Variants in DTNA observed in about 807,000 individuals in gnomAD.
DTNA encodes the protein dystrobrevin alpha.
DTNA carries 43 observed loss-of-function variants against 100.7 expected under a neutral mutation model. The ratio of observed to expected loss-of-function variants is 0.43; its 90% CI spans 0.33 to 0.55. The LOEUF is 0.55. Among genes scored for constraint, DTNA ranks in the 20% least tolerant of loss-of-function variants. The pLI is 0.04. For synonymous variants in DTNA, 349 were observed against 347.9 expected (o/e 1.00, Z -0.04); for missense variants, 798 against 953.9 (o/e 0.84, Z 2.15).
chr18:34,527,976 C>T (rs2042787056), intron 1 of DTNA, among the ~76,000 whole-genome samples: 1 of 152,078 alleles, frequency 6.6e-6, no homozygotes, highest in East Asian at 1.9e-4. Context: ...AGGACTGCAA[C>T]ATCAGTTGTT....
At chr18:34,622,916 G>A (rs1346149643) in intron 1 of DTNA, among the ~76,000 whole-genome samples, 2 of 151,990 alleles carry the variant, frequency 1.3e-5, no homozygotes, top group Admixed American at 6.6e-5. Context: ...TAATAATGCC[G>A]GTTTGTTTAA....
chr18:34,838,263 T>G, intron 12 of DTNA, 92 bp downstream of exon 12: 1 of 1,381,504 alleles, frequency 7.2e-7, no homozygotes, highest in East Asian at 2.4e-5. Context: ...TGTGAAAGAC[T>G]GTCTTTGATT....
intron 1 of DTNA, among the ~76,000 whole-genome samples, chr18:34,542,710 A>G (rs1321274273): frequency 6.6e-6 from 1 of 151,958 alleles, no homozygotes; most frequent in Non-Finnish European, 1.5e-5. Context: ...AAGAGTGGAG[A>G]TGTCACTTGG....
intron 1 of DTNA, among the ~76,000 whole-genome samples, chr18:34,499,029 A>G (rs1568540571): frequency 6.6e-6 from 1 of 152,180 alleles, no homozygotes; most frequent in Non-Finnish European, 1.5e-5. Context: ...ATGATAGTAC[A>G]ATATCACAAC....
At chr18:34,799,979 A>T (rs900036518) in intron 4 of DTNA, among the ~76,000 whole-genome samples, 4 of 152,214 alleles carry the variant, frequency 2.6e-5, no homozygotes, top group African/African-American at 9.7e-5. Flanking sequence ...AGCCAGATCC[A>T]AATAAAGGGT....
At chr18:34,816,915 A>C (rs1377153352) in intron 7 of DTNA, among the ~76,000 whole-genome samples, 4 of 152,220 alleles carry the variant, frequency 2.6e-5, no homozygotes, top group Non-Finnish European at 5.9e-5. Flanking sequence ...GAAAATTTAA[A>C]GAATGAATTT....
At chr18:34,851,301 C>T (rs993135389) in intron 14 of DTNA, among the ~76,000 whole-genome samples, 1 of 152,240 alleles carries the variant, frequency 6.6e-6, no homozygotes, top group African/African-American at 2.4e-5. Flanking sequence ...GGGATTTCCC[C>T]ATGTTGGCCA....
chr18:34,564,577 G>A (rs1028884665), intron 1 of DTNA, among the ~76,000 whole-genome samples: 2 of 152,282 alleles, frequency 1.3e-5, no homozygotes, highest in Admixed American at 6.5e-5. Context: ...GAGAAATAAA[G>A]CATTTGTGTA....
At chr18:34,717,847 A>G (rs2084365914) in intron 1 of DTNA, among the ~76,000 whole-genome samples, 1 of 152,210 alleles carries the variant, frequency 6.6e-6, no homozygotes, top group Admixed American at 6.5e-5. Context: ...GAGAGATGAG[A>G]ATCAGAAATG....
chr18:34,734,210 A>G (rs2089010661), intron 1 of DTNA, among the ~76,000 whole-genome samples: 1 of 152,122 alleles, frequency 6.6e-6, no homozygotes, highest in East Asian at 1.9e-4. Context: ...TTGCTTGACA[A>G]CTGCCTCAGG....
chr18:34,722,418 A>G (rs1484304649), intron 1 of DTNA, among the ~76,000 whole-genome samples: 1 of 152,142 alleles, frequency 6.6e-6, no homozygotes, highest in Non-Finnish European at 1.5e-5. Flanking sequence ...CTGGGAAGGA[A>G]AATATTTTCA....
intron 1 of DTNA, among the ~76,000 whole-genome samples, chr18:34,727,166 T>G (rs1480432): frequency 0.37 from 56,623 of 152,096 alleles, 11,877 homozygotes; most frequent in African/African-American, 0.57. Flanking sequence ...TTCTGAGGCT[T>G]CACAGGGCAG....
chr18:34,550,948 T>G (rs2045345815), intron 1 of DTNA, among the ~76,000 whole-genome samples: 3 of 152,218 alleles, frequency 2.0e-5, no homozygotes, highest in Admixed American at 2.0e-4. Flanking sequence ...TTGATGACAT[T>G]GCATTCTGCA....
chr18:34,766,991 G>A (rs1392290790), intron 3 of DTNA, among the ~76,000 whole-genome samples: 1 of 151,714 alleles, frequency 6.6e-6, no homozygotes, highest in Non-Finnish European at 1.5e-5. Flanking sequence ...ATTCTCTGCT[G>A]GGTCAACACT....
intron 1 of DTNA, among the ~76,000 whole-genome samples, chr18:34,516,647 A>G (rs1026980606): frequency 4.6e-5 from 7 of 152,118 alleles, no homozygotes; most frequent in Admixed American, 2.0e-4. Context: ...CCTTGCTGAG[A>G]AAAAGAATTC....
chr18:34,557,441 G>A lies in DTNA; in HGVS notation c.-2+63927G>A, dbSNP rs540666916. On this transcript the variant is annotated intron_variant, in intron 1 of 19. Coordinates refer to the DTNA transcript ENST00000283365. Reference sequence around the variant, plus strand: ...TGCGTTCCTTTGGAGGAGGAGAGGCGCTCTGCGTTTCAGAGTTTCCCGTTT... The same window carrying A: ...TGCGTTCCTTTGGAGGAGGAGAGGCACTCTGCGTTTCAGAGTTTCCCGTTT... 4.6e-3 allele frequency among the ~76,000 whole-genome samples: 701 copies of A among 152,160 alleles called. 5 individuals are homozygous for A. The highest frequency in any genetic ancestry group is 0.016 in the African/African-American group (676 of 41,446).
intron 1 of DTNA, among the ~76,000 whole-genome samples, chr18:34,545,770 T>C (rs2044715340): frequency 6.6e-6 from 1 of 152,102 alleles, no homozygotes; most frequent in Non-Finnish European, 1.5e-5. Flanking sequence ...TGGCAATAGG[T>C]AGAATTTAAT....
At chr18:34,641,153 CAG>C (rs1381714228) in intron 1 of DTNA, among the ~76,000 whole-genome samples, 1 of 151,990 alleles carries the variant, frequency 6.6e-6, no homozygotes, top group African/African-American at 2.4e-5. Context: ...AAGGGTAAGA[CAG>C]ATAATAATCT....
At chr18:34,638,630 T>A (rs542617744) in intron 1 of DTNA, among the ~76,000 whole-genome samples, 25 of 152,366 alleles carry the variant, frequency 1.6e-4, no homozygotes, top group African/African-American at 6.0e-4. Context: ...TATATTTCTA[T>A]ATTCTATATG....
Sources: allele counts gnomAD v4.1 joint callset (sites outside exome capture counted in the v4.1 genomes callset), GRCh38; gene constraint gnomAD v4.1.1; transcripts MANE v1.5; gene names NCBI Gene and HGNC (gene_info 2026-07-23, HGNC 2026-07-21).